USP9X: variants seen among roughly 807,000 people sequenced by gnomAD.
USP9X encodes the protein ubiquitin carboxyl-terminal hydrolase 9X.
A neutral mutation model predicts 190.3 loss-of-function variants in USP9X; 7 were observed. The ratio of observed to expected loss-of-function variants is 0.04; its 90% CI spans 0.02 to 0.07. The LOEUF (loss-of-function observed/expected upper bound fraction) is 0.07. Among genes scored for constraint, USP9X ranks in the 10% least tolerant of loss-of-function variants. The pLI is 1.00. For synonymous variants in USP9X, 645 were observed against 659.5 expected, an observed-to-expected ratio of 0.98 and a Z score of 0.34; for missense variants, 1,010 against 1,916.9, an observed-to-expected ratio of 0.53 and a Z score of 8.83.
At chrX:41,087,752 C>G (rs781572486) in intron 1 of USP9X, among the ~76,000 whole-genome samples, 53 of 111,653 alleles carry the variant, frequency 4.7e-4, no homozygotes, top group African/African-American at 1.7e-3. Context: ...TTCTCTCTAC[C>G]CCTTTTCTTG....
At position 41,177,566 on chromosome X, in the gene USP9X, C is replaced by T. The variant is rs758225748; in HGVS notation, c.3148+5608C>T. 2.7e-5 allele frequency among the ~76,000 whole-genome samples: 3 copies of T among 112,291 alleles called. No homozygotes were observed. The East Asian group carries it at 8.4e-4, about 31-fold the overall frequency. On this transcript the variant is annotated intron_variant, in intron 21 of 44. Coordinates refer to ENST00000378308, the MANE Select transcript of USP9X (RefSeq NM_001039591.3). ...CACTTAGTTGATAGCTGCCAGGTTT[C>T]TCCTCTAAAGGAGAGAGATGCTTTG... is the stretch of plus-strand genomic sequence containing the variant.
At chrX:41,103,571 C>G (rs1415064558) in intron 1 of USP9X, among the ~76,000 whole-genome samples, 1 of 112,160 alleles carries the variant, frequency 8.9e-6, no homozygotes, top group Admixed American at 9.5e-5. Context: ...ACACTGCCAT[C>G]TGTCACGTTA....
At chrX:41,132,694 C>G (rs2062333392) in intron 4 of USP9X, among the ~76,000 whole-genome samples, 1 of 110,155 alleles carries the variant, frequency 9.1e-6, no homozygotes, top group African/African-American at 3.3e-5. Context: ...AGTGATCCTC[C>G]CACCTTGGCC....
intron 44 of USP9X, among the ~76,000 whole-genome samples, chrX:41,231,718 G>A (rs919511472): frequency 3.1e-5 from 3 of 95,464 alleles, no homozygotes; most frequent in African/African-American, 1.2e-4. Flanking sequence ...CAACAAGAGC[G>A]AAACTCCCAT....
rs772482800 is a variant in USP9X, at chrX:41,218,435, C to T, written c.6273C>T (p.Asn2091=). 18 of 1,209,590 alleles carry T rather than the reference C, an allele frequency of 1.5e-5. No homozygotes were observed. In the African/African-American group the frequency reaches 1.6e-4, roughly 11 times the overall value. Residue 2091 remains asparagine, a synonymous_variant, in exon 37 of 45, where the codon AAC becomes AAT. Coordinates refer to ENST00000378308, the MANE Select transcript of USP9X (RefSeq NM_001039591.3). ...ATGTACGTTTTTGGTTTGCTCATAA[C>T]GTCCTTTTTAATGTTTCAAATCGCT... ...SKNVRFWFAH[N]VLFNVSNRFS... is the part of the protein sequence containing the mutation.
intron 1 of USP9X, among the ~76,000 whole-genome samples, chrX:41,103,752 T>C (rs572488576): frequency 2.3e-4 from 26 of 112,107 alleles, no homozygotes; most frequent in African/African-American, 7.4e-4. Flanking sequence ...AGAACCAGAA[T>C]TTGCAAGCTT....
At chrX:41,230,061 C>T (rs2063346522) in intron 43 of USP9X, among the ~76,000 whole-genome samples, 3 of 111,091 alleles carry the variant, frequency 2.7e-5, no homozygotes, top group Admixed American at 9.6e-5. Flanking sequence ...ATTAGTCGGG[C>T]GTGGTGGCAG....
At chrX:41,154,204 A>G (rs1432157131) in intron 14 of USP9X, among the ~76,000 whole-genome samples, 1 of 111,747 alleles carries the variant, frequency 8.9e-6, no homozygotes, top group East Asian at 2.8e-4. Context: ...AGGAACAGAC[A>G]GTGATCTTAG....
At chrX:41,133,979 G>A (rs865999336) in intron 4 of USP9X, among the ~76,000 whole-genome samples, 7 of 112,063 alleles carry the variant, frequency 6.2e-5, no homozygotes, top group African/African-American at 1.3e-4. Flanking sequence ...TCTTTGCTAA[G>A]CATGTTCTAA....
intron 1 of USP9X, among the ~76,000 whole-genome samples, chrX:41,111,962 C>T (rs2062112117): frequency 9.1e-6 from 1 of 109,769 alleles, no homozygotes; most frequent in Non-Finnish European, 1.9e-5. Context: ...TCTCCTGCCT[C>T]AGCCTCCCTA....
intron 32 of USP9X, among the ~76,000 whole-genome samples, chrX:41,208,691 T>G (rs753719369): frequency 3.3e-4 from 37 of 110,835 alleles, no homozygotes; most frequent in Admixed American, 9.6e-4. Flanking sequence ...TTTTTTTAAG[T>G]TTTGTTTGTT....
At chrX:41,217,895 A>C (rs893715479) in intron 36 of USP9X, among the ~76,000 whole-genome samples, 4 of 111,793 alleles carry the variant, frequency 3.6e-5, no homozygotes, top group African/African-American at 1.3e-4. Context: ...GTCTCAAACA[A>C]AACCAAAGAT....
intron 1 of USP9X, among the ~76,000 whole-genome samples, chrX:41,108,927 C>G (rs1435555711): frequency 2.7e-5 from 3 of 111,276 alleles, no homozygotes; most frequent in Non-Finnish European, 5.7e-5. Flanking sequence ...GACTTCTTAG[C>G]CACTCTTGGT....
At chrX:41,223,471 G>C (rs1160926145) in intron 39 of USP9X, 69 bp downstream of exon 39, 1 of 1,111,699 alleles carries the variant, frequency 9.0e-7, no homozygotes, top group Non-Finnish European at 1.2e-6. Flanking sequence ...GAGTTTTGCT[G>C]TTGTTGCCCA....
At chrX:41,123,808 T>C (rs2062211253) in intron 2 of USP9X, 84 bp downstream of exon 2, 2 of 927,318 alleles carry the variant, frequency 2.2e-6, no homozygotes, top group Admixed American at 3.0e-5. Context: ...TTTGGGAGGT[T>C]GAGGCAGGCA....
Position 41,218,385 on chromosome X carries a change from T to C in USP9X, c.6223T>C (p.Cys2075Arg), listed in dbSNP as rs1266212123. ...GSASDWYDAL[C>R]ILLRHSKNVR... Reference sequence around the variant, plus strand: ...GTTTTATTTTAGGTATGATGCATTGTGTATTCTCCTTCGTCACAGCAAGAA... The same window carrying C: ...GTTTTATTTTAGGTATGATGCATTGCGTATTCTCCTTCGTCACAGCAAGAA... Residue 2075 changes from cysteine to arginine, a missense_variant, in exon 37 of 45, where the codon TGT becomes CGT. Cys to Arg is a radical substitution (Grantham distance 180). Transcript: ENST00000378308. 1 of 1,211,585 alleles carries C rather than the reference T, an allele frequency of 8.3e-7. No individual in the cohort carries two copies.
intron 1 of USP9X, among the ~76,000 whole-genome samples, chrX:41,103,896 G>A (rs774192792): frequency 2.7e-5 from 3 of 111,371 alleles, no homozygotes; most frequent in Non-Finnish European, 5.7e-5. Context: ...AACTAAAAGG[G>A]TCGTTCATTT....
At chrX:41,133,823 T>G (rs1228854337) in intron 4 of USP9X, among the ~76,000 whole-genome samples, 2 of 112,568 alleles carry the variant, frequency 1.8e-5, no homozygotes, top group Non-Finnish European at 3.7e-5. Context: ...GTACCACATT[T>G]CCTTTATCCA....
chrX:41,125,779 C>T (rs192481423), intron 2 of USP9X, among the ~76,000 whole-genome samples: 95 of 108,093 alleles, frequency 8.8e-4, no homozygotes, highest in Non-Finnish European at 3.8e-4. Flanking sequence ...ATTTGGTTTG[C>T]TGTTCTTTTT....
Sources: allele counts gnomAD v4.1 joint callset (sites outside exome capture counted in the v4.1 genomes callset), GRCh38; gene constraint gnomAD v4.1.1; transcripts MANE v1.5; gene names NCBI Gene and HGNC (gene_info 2026-07-23, HGNC 2026-07-21).